The following PCDHA7 variants were observed in gnomAD, a reference collection of about 807,000 sequenced individuals.
PCDHA7 encodes the protein protocadherin alpha 7.
A neutral mutation model predicts 57.2 loss-of-function variants in PCDHA7; 37 were observed. The observed-to-expected ratio is 0.65, with a 90% CI of 0.50 to 0.85. The LOEUF is 0.85. PCDHA7 is among the 40% of genes least tolerant of loss of function. The pLI is 0.00. For synonymous variants in PCDHA7, 553 were observed against 558.8 expected (o/e 0.99, Z 0.15); for missense variants, 1,188 against 1,241.8 (o/e 0.96, Z 0.65).
At chr5:140,986,141 G>C (rs1473474920) in intron 3 of PCDHA7, among the ~76,000 whole-genome samples, 2 of 152,138 alleles carry the variant, frequency 1.3e-5, no homozygotes, top group African/African-American at 2.4e-5. Context: ...ATCAACAAGG[G>C]CATCACCAAG....
Position 140,895,311 on chromosome 5 carries a change from C to T in PCDHA7, c.2355+58573C>T, listed in dbSNP as rs572826090. 2.0e-5 allele frequency among the ~76,000 whole-genome samples: 3 copies of T among 152,252 alleles called. No homozygotes were observed. The South Asian group carries it at 6.2e-4, about 32-fold the overall frequency. On this transcript the variant is annotated intron_variant, in intron 1 of 3. Transcript: ENST00000525929. ...GACCTTCGATTTCCCCCCTTCCACC[C>T]ATGACTATTGTTCTCAAATTGTTTT...
At chr5:140,848,599 T>C (rs2150414040) in intron 1 of PCDHA7, 1 of 1,593,694 alleles carries the variant, frequency 6.3e-7, no homozygotes, top group Non-Finnish European at 8.6e-7. Context: ...CACTACTCCG[T>C]CCCGGAGGAA....
Position 140,849,786 on chromosome 5 carries a change from G to T in PCDHA7, c.2355+13048G>T, listed in dbSNP as rs2150450039. 3 of 1,598,374 alleles carry T rather than the reference G, an allele frequency of 1.9e-6. No individual in the cohort carries two copies. The African/African-American group carries it at 4.0e-5, about 21-fold the overall frequency. On this transcript the variant is annotated intron_variant, in intron 1 of 3. Coordinates refer to ENST00000525929, the MANE Select transcript of PCDHA7 (RefSeq NM_018910.3). ...GCTGGTGGTTACCGCGCGGGACGGG[G>T]GCTCGCCTTCACTGTGGGCCACGGC...
chr5:140,924,900 AAAAAAT>A (rs2082118159), intron 1 of PCDHA7, among the ~76,000 whole-genome samples: 2 of 63,328 alleles, frequency 3.2e-5, no homozygotes, highest in African/African-American at 5.4e-5. Flanking sequence ...GTCTCAAAAA[AAAAAAT>A]AAAATAAAAT....
chr5:140,900,257 T>G (rs1184928608), intron 1 of PCDHA7, among the ~76,000 whole-genome samples: 3 of 152,108 alleles, frequency 2.0e-5, no homozygotes, highest in Admixed American at 6.6e-5. Context: ...TGAATAGTAC[T>G]CCATTGTGTA....
At chr5:140,871,003 C>G (rs782654281) in intron 1 of PCDHA7, 3 of 1,613,416 alleles carry the variant, frequency 1.9e-6, no homozygotes, top group Non-Finnish European at 2.5e-6. Flanking sequence ...AAGCACAACG[C>G]GTGCCCTGGA....
chr5:140,979,060 C>T, intron 2 of PCDHA7, 53 bp downstream of exon 2: 1 of 1,606,180 alleles, frequency 6.2e-7, no homozygotes, highest in Non-Finnish European at 8.5e-7. Context: ...TGGTATGGCT[C>T]AGATAAACTG....
chr5:140,903,273 T>G (rs1213268192), intron 1 of PCDHA7, among the ~76,000 whole-genome samples: 2 of 152,228 alleles, frequency 1.3e-5, no homozygotes, highest in Non-Finnish European at 2.9e-5. Flanking sequence ...AGTGAGGTAG[T>G]GTCTCATTGT....
chr5:140,897,424 T>G (rs2066099863), intron 1 of PCDHA7, among the ~76,000 whole-genome samples: 1 of 148,866 alleles, frequency 6.7e-6, no homozygotes, highest in Non-Finnish European at 1.5e-5. Flanking sequence ...CATCTATGAG[T>G]GAGAACATGC....
chr5:140,842,233 T>C (rs2150332327), intron 1 of PCDHA7: 1 of 1,612,914 alleles, frequency 6.2e-7, no homozygotes, highest in Admixed American at 1.7e-5. Context: ...AAATAGTGAT[T>C]CGGGGTAATT....
intron 1 of PCDHA7, among the ~76,000 whole-genome samples, chr5:140,921,816 G>A (rs2080411020): frequency 6.6e-6 from 1 of 151,846 alleles, no homozygotes; most frequent in Non-Finnish European, 1.5e-5. Context: ...ATACATGTGT[G>A]AATATCTATA....
chr5:140,906,957 G>T (rs1301709159), intron 1 of PCDHA7, among the ~76,000 whole-genome samples: 2 of 152,144 alleles, frequency 1.3e-5, no homozygotes, highest in Admixed American at 6.5e-5. Flanking sequence ...CCAGTTTAAT[G>T]GAATCGTGGT....
At chr5:140,860,259 A>T (rs559860776) in intron 1 of PCDHA7, 1 of 151,706 alleles carries the variant, frequency 6.6e-6, no homozygotes. Flanking sequence ...TTTAGTCCCT[A>T]CTGTAGTGCT....
At chr5:140,852,280 G>T in intron 1 of PCDHA7, 1 of 510,402 alleles carries the variant, frequency 2.0e-6, no homozygotes, top group Non-Finnish European at 2.6e-6. Flanking sequence ...CATGTTTTTT[G>T]TCTTTTTATT....
At chr5:140,979,104 A>G (rs1563470833) in intron 2 of PCDHA7, 97 bp downstream of exon 2, 3 of 1,539,000 alleles carry the variant, frequency 1.9e-6, no homozygotes, top group Admixed American at 2.2e-5. Context: ...TGTCAAAACT[A>G]AAAAGCTTTA....
chr5:140,835,456 C>T lies in PCDHA7; in HGVS notation c.1073C>T (p.Pro358Leu). ...TTGACTCTCACTTCCCTGTCTCTCC[C>T]TATTCCAGAGGACGCCCAACCAGGT... ...PQLTLTSLSLPIPEDAQPGTV... is the reference protein window; with the variant it reads ...PQLTLTSLSLLIPEDAQPGTV... Residue 358 changes from proline to leucine, a missense_variant, in exon 1 of 4, where the codon CCT becomes CTT. Coordinates refer to ENST00000525929, the MANE Select transcript of PCDHA7 (RefSeq NM_018910.3). The T allele has an allele frequency of 6.2e-7, 1 of 1,613,924 alleles. No homozygotes were observed. The highest frequency in any genetic ancestry group is 2.2e-5 in the East Asian group (1 of 44,838).
In PCDHA7 at chr5:140,835,749, G is replaced by C; in HGVS notation, c.1366G>C (p.Ala456Pro). 6.2e-7 allele frequency: 1 copy of C among 1,613,432 alleles called. No individual in the cohort carries two copies. Residue 456 changes from alanine to proline, a missense_variant, in exon 1 of 4, where the codon GCG becomes CCG. Physicochemically the swap from Ala to Pro is conservative, Grantham distance 27. Transcript: ENST00000525929. Reference protein sequence around the residue: ...ADVNDNAPAFAQPEYTVFVKE... With the variant: ...ADVNDNAPAFPQPEYTVFVKE... ...CGTGAACGACAACGCCCCGGCGTTC[G>C]CGCAGCCCGAGTATACGGTGTTCGT...
chr5:141,009,571 T>C, intron 3 of PCDHA7, 56 bp from the exon 4 acceptor site: 10 of 1,578,600 alleles, frequency 6.3e-6, no homozygotes, highest in Non-Finnish European at 7.7e-6. Context: ...ACCAGCAGTG[T>C]GGCATCAAGA....
chr5:140,921,779 T>C (rs1584242105), intron 1 of PCDHA7, among the ~76,000 whole-genome samples: 2 of 152,246 alleles, frequency 1.3e-5, no homozygotes, highest in East Asian at 3.9e-4. Context: ...AATACTGACT[T>C]GGATGTTCTA....
Sources: gnomAD v4.1 joint callset for allele counts (sites outside exome capture counted in the v4.1 genomes callset) on GRCh38, gnomAD v4.1.1 for gene constraint, MANE v1.5 for transcripts, NCBI Gene and HGNC (gene_info 2026-07-23, HGNC 2026-07-21) for gene names.